Variants in SLC24A2 observed in about 807,000 individuals in gnomAD.
SLC24A2 encodes sodium/potassium/calcium exchanger 2.
In SLC24A2, 36 loss-of-function variants were observed where a neutral mutation model predicts 62.0. That is an observed-to-expected ratio of 0.58 (90% confidence interval 0.44 to 0.77). The LOEUF (loss-of-function observed/expected upper bound fraction) is 0.77. Among genes scored for constraint, SLC24A2 ranks in the 30% least tolerant of loss-of-function variants. The probability of loss-of-function intolerance (pLI) is 0.00; values close to 1 mark genes in which losing one functional copy is unlikely to be tolerated. For synonymous variants in SLC24A2, 358 were observed against 294.0 expected, an observed-to-expected ratio of 1.22 and a Z score of -2.23; for missense variants, 846 against 817.9, an observed-to-expected ratio of 1.03 and a Z score of -0.42.
At chr9:19,626,268 C>G (rs576045847) in intron 2 of SLC24A2, among the ~76,000 whole-genome samples, 2 of 152,290 alleles carry the variant, frequency 1.3e-5, no homozygotes, top group Non-Finnish European at 2.9e-5. Flanking sequence ...AAAATTAGGC[C>G]AATACTGCAG....
chr9:20,238,706 C>A, the SLC24A2 span, among the ~76,000 whole-genome samples: 5 of 152,264 alleles, frequency 3.3e-5, no homozygotes, highest in Admixed American at 2.0e-4. Flanking sequence ...CATGTCTTAG[C>A]TTTGTGTACA....
At chr9:20,220,307 G>A in the SLC24A2 span, among the ~76,000 whole-genome samples, 1 of 152,042 alleles carries the variant, frequency 6.6e-6, no homozygotes, top group East Asian at 1.9e-4. Context: ...TCATTAAAAG[G>A]GCTTGGTGGA....
the SLC24A2 span, among the ~76,000 whole-genome samples, chr9:19,958,427 G>A: frequency 2.6e-5 from 4 of 152,194 alleles, no homozygotes; most frequent in African/African-American, 9.6e-5. Context: ...GGGGATTCCT[G>A]CAACCCAAGC....
the SLC24A2 span, among the ~76,000 whole-genome samples, chr9:19,996,385 C>T: frequency 2.4e-3 from 370 of 152,184 alleles, no homozygotes; most frequent in African/African-American, 3.3e-3. Context: ...TGTTCCACTC[C>T]GTAACATATT....
chr9:19,620,366 C>T (rs1004093714), intron 3 of SLC24A2, among the ~76,000 whole-genome samples: 1 of 152,168 alleles, frequency 6.6e-6, no homozygotes, highest in African/African-American at 2.4e-5. Flanking sequence ...CTCATCTCTA[C>T]CCTGGGACTA....
At chr9:20,157,578 G>C in the SLC24A2 span, among the ~76,000 whole-genome samples, 1 of 151,636 alleles carries the variant, frequency 6.6e-6, no homozygotes, top group African/African-American at 2.4e-5. Flanking sequence ...GGACTTTAAA[G>C]TGAGAGATAC....
At chr9:19,566,812 G>A (rs1008628787) in intron 7 of SLC24A2, among the ~76,000 whole-genome samples, 7 of 152,176 alleles carry the variant, frequency 4.6e-5, no homozygotes, top group Non-Finnish European at 1.0e-4. Flanking sequence ...CCTTTGTAGG[G>A]ACACGGATGA....
At chr9:19,740,309 A>C (rs777952398) in intron 2 of SLC24A2, among the ~76,000 whole-genome samples, 5 of 152,210 alleles carry the variant, frequency 3.3e-5, no homozygotes, top group Admixed American at 1.3e-4. Flanking sequence ...TGTAATAGTC[A>C]AGAGCTGGAA....
At chr9:19,716,708 C>T (rs1462001148) in intron 2 of SLC24A2, among the ~76,000 whole-genome samples, 3 of 152,146 alleles carry the variant, frequency 2.0e-5, no homozygotes, top group Admixed American at 2.0e-4. Context: ...TTCTTACAGG[C>T]TCTTGGTGTT....
intron 2 of SLC24A2, among the ~76,000 whole-genome samples, chr9:19,730,433 G>C (rs1234387939): frequency 1.3e-5 from 2 of 152,064 alleles, no homozygotes; most frequent in Non-Finnish European, 2.9e-5. Flanking sequence ...GAATTACAAA[G>C]ATGTTCAATG....
chr9:19,862,895 C>T, the SLC24A2 span, among the ~76,000 whole-genome samples: 1 of 151,828 alleles, frequency 6.6e-6, no homozygotes, highest in Non-Finnish European at 1.5e-5. Context: ...AGAAAATCAC[C>T]TCCACTGAAA....
At chr9:20,276,339 T>A in the SLC24A2 span, among the ~76,000 whole-genome samples, 1 of 152,200 alleles carries the variant, frequency 6.6e-6, no homozygotes, top group Non-Finnish European at 1.5e-5. Flanking sequence ...AAAATCCAGC[T>A]GGGCAGGCAA....
chr9:19,792,791 G>C (rs764532370), upstream of SLC24A2, among the ~76,000 whole-genome samples: 1 of 151,590 alleles, frequency 6.6e-6, no homozygotes, highest in Non-Finnish European at 1.5e-5. Flanking sequence ...TACTTACTTT[G>C]TTAATCATTT....
chr9:19,562,136 T>C (rs911979529), intron 7 of SLC24A2, among the ~76,000 whole-genome samples: 2 of 152,230 alleles, frequency 1.3e-5, no homozygotes, highest in Non-Finnish European at 2.9e-5. Context: ...TCTTTCCATA[T>C]TGCTGTAGTA....
chr9:20,032,121 T>A, the SLC24A2 span, among the ~76,000 whole-genome samples: 1 of 152,204 alleles, frequency 6.6e-6, no homozygotes, highest in African/African-American at 2.4e-5. Context: ...GCCTTCTATC[T>A]TATCAGGTTC....
At chr9:19,905,387 A>C in the SLC24A2 span, among the ~76,000 whole-genome samples, 3 of 149,166 alleles carry the variant, frequency 2.0e-5, no homozygotes, top group African/African-American at 7.4e-5. Flanking sequence ...ATTTCCCTTA[A>C]CTCCATCGCT....
chr9:19,869,713 T>A, the SLC24A2 span, among the ~76,000 whole-genome samples: 6 of 152,246 alleles, frequency 3.9e-5, no homozygotes, highest in South Asian at 2.1e-4. Context: ...CCTTGTCATA[T>A]GTATGACAAC....
At chr9:20,205,660 AAAAAAAAAAAAAAACAAAC>A in the SLC24A2 span, among the ~76,000 whole-genome samples, 3 of 151,022 alleles carry the variant, frequency 2.0e-5, no homozygotes, top group African/African-American at 4.9e-5. Flanking sequence ...AAAAAAAAAA[AAAAAAAAAAAAAAACAAAC>A]AAAAAAACGT....
chr9:19,872,913 G>T, the SLC24A2 span, among the ~76,000 whole-genome samples: 1 of 152,146 alleles, frequency 6.6e-6, no homozygotes, highest in African/African-American at 2.4e-5. Flanking sequence ...TGTAGTGCTG[G>T]AGATTAGCTC....
Sources: gnomAD v4.1 joint callset for allele counts (sites outside exome capture counted in the v4.1 genomes callset) on GRCh38, gnomAD v4.1.1 for gene constraint, MANE v1.5 for transcripts, NCBI Gene and HGNC (gene_info 2026-07-23, HGNC 2026-07-21) for gene names.